MAP4: variants seen among roughly 807,000 people sequenced by gnomAD.
MAP4 encodes the protein microtubule associated protein 4.
A neutral mutation model predicts 170.2 loss-of-function variants in MAP4; 76 were observed. The observed-to-expected ratio is 0.45, with a 90% CI of 0.37 to 0.54. The LOEUF is 0.54. Among genes scored for constraint, MAP4 ranks in the 20% least tolerant of loss-of-function variants. The probability of loss-of-function intolerance (pLI) is 0.00; values close to 1 mark genes in which losing one functional copy is unlikely to be tolerated. For missense variants in MAP4, 2,506 were observed against 2,748.0 expected, an observed-to-expected ratio of 0.91 and a Z score of 1.97; for synonymous variants, 909 against 994.5, an observed-to-expected ratio of 0.91 and a Z score of 1.62.
At chr3:47,956,774 T>G (rs1355069482) in intron 3 of MAP4, among the ~76,000 whole-genome samples, 3 of 152,194 alleles carry the variant, frequency 2.0e-5, no homozygotes, top group Non-Finnish European at 2.9e-5. Context: ...ACACTTTCCA[T>G]AGCTACAAGA....
At chr3:48,066,950 C>T (rs1193727247) in intron 1 of MAP4, among the ~76,000 whole-genome samples, 2 of 148,662 alleles carry the variant, frequency 1.3e-5, no homozygotes, top group East Asian at 4.0e-4. Context: ...ACACCATTCT[C>T]CTGCCTCAGC....
intron 9 of MAP4, among the ~76,000 whole-genome samples, chr3:47,904,316 T>C (rs1344995421): frequency 6.6e-6 from 1 of 151,946 alleles, no homozygotes; most frequent in Non-Finnish European, 1.5e-5. Flanking sequence ...GGTGCTATTA[T>C]TATTATTATT....
At chr3:48,060,851 CTTT>C (rs907213442) in intron 1 of MAP4, among the ~76,000 whole-genome samples, 6 of 151,942 alleles carry the variant, frequency 3.9e-5, no homozygotes, top group African/African-American at 1.5e-4. Context: ...ATACAAATAA[CTTT>C]TTTTATTTTT....
intron 3 of MAP4, among the ~76,000 whole-genome samples, chr3:47,946,373 G>T (rs2100059916): frequency 6.6e-6 from 1 of 151,494 alleles, no homozygotes; most frequent in African/African-American, 2.4e-5. Flanking sequence ...ACAACTATTG[G>T]CTGGGCATGA....
At chr3:47,922,838 T>C (rs1023692374) in intron 4 of MAP4, among the ~76,000 whole-genome samples, 3 of 152,208 alleles carry the variant, frequency 2.0e-5, no homozygotes, top group Admixed American at 1.3e-4. Flanking sequence ...TCACGAGGTC[T>C]GGAGATTGAG....
chr3:48,061,207 T>G (rs1197287297), intron 1 of MAP4, among the ~76,000 whole-genome samples: 3 of 112,552 alleles, frequency 2.7e-5, no homozygotes, highest in Non-Finnish European at 5.4e-5. Flanking sequence ...CCCCTCTCCC[T>G]CTCCCTCTCT....
At chr3:47,902,657 G>A (rs1296476667) in intron 10 of MAP4, among the ~76,000 whole-genome samples, 1 of 127,900 alleles carries the variant, frequency 7.8e-6, no homozygotes, top group Non-Finnish European at 1.6e-5. Context: ...CTGGGCGACA[G>A]AGGGAGACTC....
At chr3:48,064,139 A>G (rs2154560668) in intron 1 of MAP4, among the ~76,000 whole-genome samples, 1 of 152,344 alleles carries the variant, frequency 6.6e-6, no homozygotes, top group South Asian at 2.1e-4. Flanking sequence ...TGCAGGACTA[A>G]CAAATTCTAA....
intron 3 of MAP4, among the ~76,000 whole-genome samples, chr3:47,950,112 C>T (rs2100062753): frequency 6.6e-6 from 1 of 152,214 alleles, no homozygotes; most frequent in Non-Finnish European, 1.5e-5. Context: ...TAGGCTCTCT[C>T]TCCAATCTGT....
At chr3:47,895,929 A>G (rs565633320) in intron 10 of MAP4, among the ~76,000 whole-genome samples, 1 of 152,300 alleles carries the variant, frequency 6.6e-6, no homozygotes, top group African/African-American at 2.4e-5. Context: ...TATGAGGTCA[A>G]CATCTAGCAA....
At position 47,877,508 on chromosome 3, in the gene MAP4, T is replaced by G. The variant is rs978406884; in HGVS notation, c.5450A>C (p.Glu1817Ala). ...GMSVYGIARPEEGRPVVSGTG... is the reference protein window; with the variant it reads ...GMSVYGIARPAEGRPVVSGTG... ...CCCACTCACCACAGGCCTTCCTTCTTCTGGCCTGGCTATTCCTAAGGGGAG... is the reference window on the plus strand; with the variant it reads ...CCCACTCACCACAGGCCTTCCTTCTGCTGGCCTGGCTATTCCTAAGGGGAG... The change falls in exon 11 of 21, where the codon GAA becomes GCA. Residue 1817 changes from glutamate (E) to alanine (A), a missense_variant. Transcript: ENST00000683076. 6 of 1,613,008 alleles carry G rather than the reference T, an allele frequency of 3.7e-6. No homozygotes were observed. The highest frequency in any genetic ancestry group is 5.1e-6 in the Non-Finnish European group (6 of 1,179,278).
intron 3 of MAP4, among the ~76,000 whole-genome samples, chr3:47,969,684 CAG>C (rs1264834589): frequency 6.6e-6 from 1 of 152,088 alleles, no homozygotes. Flanking sequence ...TCAACCAAAC[CAG>C]AGTTTTCTGC....
chr3:47,870,527 T>C (rs970045023), intron 15 of MAP4, among the ~76,000 whole-genome samples: 26 of 152,208 alleles, frequency 1.7e-4, no homozygotes, highest in African/African-American at 6.3e-4. Context: ...CTGTTTCTTC[T>C]ACAAAAGAAT....
chr3:47,852,718 G>T lies in MAP4; in HGVS notation c.*216C>A, dbSNP rs1410919657. 2.6e-6 allele frequency: 4 copies of T among 1,511,370 alleles called. No homozygotes were observed. Among genetic ancestry groups the T allele is most frequent in the Non-Finnish European group, 3.5e-6 (4 of 1,132,184 alleles). The allele number at this position is 1,511,370 out of a possible 1,614,324, so 93.6% of individuals were successfully genotyped here. A position where few individuals can be genotyped will look rare whatever the true frequency, so the allele number is the denominator to read the frequency against. On this transcript the variant is annotated 3_prime_UTR_variant, in exon 21 of 21. Transcript: ENST00000683076. ...GGAGGTGTGGGGCAGGGCTGCTGCT[G>T]CCCCGGGCACGCAAAGCAGGAGGGA...
In MAP4 at chr3:48,058,905, G is replaced by A. The variant is rs140371849; in HGVS notation, c.-20+29868C>T. 8.3e-3 allele frequency among the ~76,000 whole-genome samples: 1,264 copies of A among 151,982 alleles called. 8 individuals carry two copies. The highest frequency in any genetic ancestry group is 0.013 in the Non-Finnish European group (901 of 67,988). ...AGTGATTCTCCCTGCCTCAGCCTCC[G>A]AGTAGCTGAGATTACAGGCGTGCAC... On this transcript the variant is annotated intron_variant, in intron 1 of 18. Coordinates refer to the MAP4 transcript ENST00000360240.
rs1160100487 is a variant in MAP4 at position 47,918,436 on chromosome 3, T to C, written c.652+283A>G. Among the ~76,000 whole-genome samples the C allele has an allele frequency of 4.0e-5, 6 of 151,010 alleles. No homozygotes were observed. In the East Asian group the frequency reaches 1.2e-3, roughly 29 times the overall value. Reference sequence around the variant, plus strand: ...CACCAGGCCGTAAATCTGTACTGAATTAAAAAAAAAAATTCTGATACCTAA... The same window carrying C: ...CACCAGGCCGTAAATCTGTACTGAACTAAAAAAAAAAATTCTGATACCTAA... On this transcript the variant is annotated intron_variant, in intron 6 of 20. Transcript: ENST00000683076.
chr3:47,941,988 C>T (rs2100056808), intron 3 of MAP4, among the ~76,000 whole-genome samples: 1 of 152,118 alleles, frequency 6.6e-6, no homozygotes, highest in African/African-American at 2.4e-5. Flanking sequence ...TTACTAAGGG[C>T]TGTGCTAGTA....
intron 3 of MAP4, 35 bp downstream of exon 3, chr3:47,977,830 A>T: frequency 7.0e-7 from 1 of 1,423,568 alleles, no homozygotes; most frequent in Non-Finnish European, 9.9e-7. Flanking sequence ...TAAGTGCATC[A>T]CCTACACATT....
At chr3:48,027,092 A>G (rs1466123018) in intron 1 of MAP4, among the ~76,000 whole-genome samples, 3 of 152,252 alleles carry the variant, frequency 2.0e-5, no homozygotes, top group African/African-American at 7.2e-5. Flanking sequence ...AAGTGTATCT[A>G]GAGAAAACAT....
Sources: gnomAD v4.1 joint callset for allele counts (sites outside exome capture counted in the v4.1 genomes callset) on GRCh38, gnomAD v4.1.1 for gene constraint, MANE v1.5 for transcripts, NCBI Gene and HGNC (gene_info 2026-07-23, HGNC 2026-07-21) for gene names.